The following COLEC12 variants were observed in gnomAD, a reference collection of about 807,000 sequenced individuals.
COLEC12 encodes collectin-12.
COLEC12 carries 33 observed loss-of-function variants against 71.1 expected under a neutral mutation model. That is an observed-to-expected ratio of 0.46 (90% CI 0.35 to 0.62). COLEC12 has a LOEUF of 0.62. Ranked by LOEUF, COLEC12 falls within the 20% of genes least tolerant of loss-of-function variation. The pLI, the probability that COLEC12 is intolerant of heterozygous loss-of-function variation, is 0.00. For synonymous variants in COLEC12, 350 were observed against 353.0 expected, an observed-to-expected ratio of 0.99 and a Z score of 0.10; for missense variants, 765 against 916.1, an observed-to-expected ratio of 0.84 and a Z score of 2.13.
At chr18:446,495 A>T (rs565340308) in intron 2 of COLEC12, among the ~76,000 whole-genome samples, 30 of 150,560 alleles carry the variant, frequency 2.0e-4, no homozygotes, top group Non-Finnish European at 4.0e-4. Context: ...TGAGCCCAGA[A>T]GTTCAAGACC....
At chr18:438,683 T>C (rs892541367) in intron 2 of COLEC12, among the ~76,000 whole-genome samples, 2 of 151,716 alleles carry the variant, frequency 1.3e-5, no homozygotes, top group African/African-American at 4.8e-5. Context: ...TGGTGGCACA[T>C]GCCTGTAGTC....
At chr18:423,530 T>C (rs972542733) in intron 2 of COLEC12, among the ~76,000 whole-genome samples, 3 of 152,212 alleles carry the variant, frequency 2.0e-5, no homozygotes, top group Middle Eastern at 3.2e-3. Context: ...ATGATGATAG[T>C]TGTTCAAATA....
chr18:467,287 C>T (rs1409689952), intron 2 of COLEC12, among the ~76,000 whole-genome samples: 1 of 152,178 alleles, frequency 6.6e-6, no homozygotes, highest in East Asian at 1.9e-4. Context: ...TATGTGCTCC[C>T]ACTTTACAGA....
intron 2 of COLEC12, among the ~76,000 whole-genome samples, chr18:386,326 C>T (rs992937662): frequency 5.9e-5 from 9 of 152,198 alleles, no homozygotes; most frequent in African/African-American, 2.2e-4. Context: ...AAGACTAAAA[C>T]GTGGTCACTG....
chr18:361,356 T>C (rs1468478306), intron 2 of COLEC12, among the ~76,000 whole-genome samples: 1 of 152,158 alleles, frequency 6.6e-6, no homozygotes, highest in Non-Finnish European at 1.5e-5. Flanking sequence ...CATCGTTTCC[T>C]CTCCATTTCC....
intron 2 of COLEC12, among the ~76,000 whole-genome samples, chr18:384,079 A>G (rs1428201193): frequency 6.6e-6 from 1 of 152,162 alleles, no homozygotes; most frequent in African/African-American, 2.4e-5. Flanking sequence ...GGGAGCTACA[A>G]TTCAAGATGA....
chr18:335,427 G>A (rs749374472), intron 5 of COLEC12, among the ~76,000 whole-genome samples, 197 bp from the exon 6 acceptor site: 14 of 152,152 alleles, frequency 9.2e-5, no homozygotes, highest in Admixed American at 3.9e-4. Flanking sequence ...TTCTTATGCT[G>A]AAGTCCTAAC....
chr18:363,446 G>C lies in COLEC12; in HGVS notation c.59-5924C>G, dbSNP rs139273126. Among the ~76,000 whole-genome samples, 320 of 152,282 alleles carry C rather than the reference G, an allele frequency of 2.1e-3. 2 individuals are homozygous for C. Among genetic ancestry groups the C allele is most frequent in the African/African-American group, 7.2e-3 (299 of 41,554 alleles). On this transcript the variant is annotated intron_variant, in intron 2 of 9. Coordinates refer to ENST00000400256, the MANE Select transcript of COLEC12 (RefSeq NM_130386.3). Reference sequence around the variant, plus strand: ...TTGCCATAAAGATCATGTTACCAAAGAGAAGCTTTAAAAAGGGTCAATTGC... The same window carrying C: ...TTGCCATAAAGATCATGTTACCAAACAGAAGCTTTAAAAAGGGTCAATTGC...
intron 5 of COLEC12, among the ~76,000 whole-genome samples, chr18:344,555 T>C (rs1914330475): frequency 1.3e-5 from 2 of 152,228 alleles, no homozygotes; most frequent in African/African-American, 2.4e-5. Context: ...AAACATTATC[T>C]TCCAGAGGTG....
At chr18:460,212 C>T (rs1916954251) in intron 2 of COLEC12, among the ~76,000 whole-genome samples, 1 of 152,078 alleles carries the variant, frequency 6.6e-6, no homozygotes, top group African/African-American at 2.4e-5. Context: ...TGGGCCAGCT[C>T]GTACCTAAAT....
intron 3 of COLEC12, among the ~76,000 whole-genome samples, chr18:351,891 G>A (rs573916520): frequency 2.4e-4 from 36 of 152,210 alleles, no homozygotes; most frequent in Admixed American, 4.6e-4. Context: ...TGTTGGCCAG[G>A]CTGGTCTCGA....
chr18:368,852 C>T (rs1470058192), intron 2 of COLEC12, among the ~76,000 whole-genome samples: 8 of 152,238 alleles, frequency 5.3e-5, no homozygotes, highest in South Asian at 2.1e-4. Context: ...GGCAACAGAG[C>T]GAGACTCCGT....
chr18:352,762 T>C (rs1193861143), intron 3 of COLEC12, among the ~76,000 whole-genome samples: 9 of 152,216 alleles, frequency 5.9e-5, no homozygotes, highest in Non-Finnish European at 1.0e-4. Flanking sequence ...TCATTGACTT[T>C]TATTCTGAAT....
intron 2 of COLEC12, among the ~76,000 whole-genome samples, chr18:439,062 G>C (rs1916460690): frequency 6.6e-6 from 1 of 152,130 alleles, no homozygotes; most frequent in Non-Finnish European, 1.5e-5. Context: ...TTCTCTCTCT[G>C]CCTTCCTCTA....
rs2143417930 is a variant in COLEC12 at position 327,293 on chromosome 18, C to T, written c.2063+4375G>A. Among the ~76,000 whole-genome samples, 1 of 152,198 alleles carries T rather than the reference C, an allele frequency of 6.6e-6. No homozygotes were observed. The highest frequency in any genetic ancestry group is 2.4e-5 in the African/African-American group (1 of 41,512). ...TTTGCTGATTGGTACTTTCTAAAAG[C>T]CTTGTCCTTAATTGGCAAATAAAAT... On this transcript the variant is annotated intron_variant, in intron 8 of 9. Coordinates refer to ENST00000400256, the MANE Select transcript of COLEC12 (RefSeq NM_130386.3). The surrounding 1 kb of genome is among the most constrained non-coding windows in gnomAD (Gnocchi z 4.0).
At chr18:328,100 T>G (rs1379430445) in intron 8 of COLEC12, among the ~76,000 whole-genome samples, 1 of 152,158 alleles carries the variant, frequency 6.6e-6, no homozygotes. Context: ...AGCCTACGCT[T>G]TCTATTTCTT....
chr18:335,283 TATGA>T, intron 5 of COLEC12, 53 bp from the exon 6 acceptor site: 3 of 1,529,942 alleles, frequency 2.0e-6, no homozygotes, highest in Admixed American at 4.7e-5. Context: ...GAATGATAGT[TATGA>T]ATAATTTTTC....
intron 8 of COLEC12, among the ~76,000 whole-genome samples, chr18:325,274 A>G (rs945373768): frequency 1.3e-5 from 2 of 152,230 alleles, no homozygotes; most frequent in African/African-American, 4.8e-5. Flanking sequence ...GAAAGGCACC[A>G]CATTTTATCT....
chr18:471,028 A>C (rs1917185826), intron 2 of COLEC12, among the ~76,000 whole-genome samples: 1 of 152,196 alleles, frequency 6.6e-6, no homozygotes, highest in South Asian at 2.1e-4. Context: ...CAGACTTCTG[A>C]GTTTGATTCT....
Sources: gnomAD v4.1 joint callset for allele counts (sites outside exome capture counted in the v4.1 genomes callset) on GRCh38, gnomAD v4.1.1 for gene constraint, Gnocchi (gnomAD v3.1) non-coding constraint, MANE v1.5 for transcripts, NCBI Gene and HGNC (gene_info 2026-07-23, HGNC 2026-07-21) for gene names.